The following SCAF1 variants were observed in gnomAD, a reference collection of about 807,000 sequenced individuals.
SCAF1 encodes splicing factor, arginine/serine-rich 19.
In SCAF1, 28 loss-of-function variants were observed where a neutral mutation model predicts 91.2. The observed-to-expected ratio is 0.31, with a 90% CI of 0.23 to 0.42. The LOEUF (loss-of-function observed/expected upper bound fraction) is 0.42. SCAF1 is among the 10% of genes least tolerant of loss of function. The pLI is 1.00. For missense variants in SCAF1, 1,893 were observed against 1,872.1 expected, an observed-to-expected ratio of 1.01 and a Z score of -0.21; for synonymous variants, 1,036 against 833.7, an observed-to-expected ratio of 1.24 and a Z score of -4.18.
chr19:49,652,309 CAAGAAG>C lies in SCAF1; in HGVS notation c.1930_1935del (p.Lys644_Lys645del). ...GGAAACACCGGGACGGTGGCGGCAG[CAAGAAG>C]AAGAAGAAGCGGTCGCGGTCCCGGG... On this transcript the variant is annotated inframe_deletion, in exon 7 of 11. Transcript: ENST00000360565. 6.5e-7 allele frequency: 1 copy of C among 1,531,906 alleles called. No homozygotes were observed. Among genetic ancestry groups the C allele is most frequent in the Non-Finnish European group, 8.8e-7 (1 of 1,141,866 alleles). The allele number at this position is 1,531,906 out of a possible 1,614,324, so 94.9% of individuals were successfully genotyped here.
Position 49,652,965 on chromosome 19 carries a change from T to C in SCAF1, c.2576T>C (p.Leu859Pro), listed in dbSNP as rs1434847594. The C allele has an allele frequency of 1.9e-6, 3 of 1,613,914 alleles. No individual in the cohort carries two copies. Among genetic ancestry groups the C allele is most frequent in the East Asian group, 2.2e-5 (1 of 44,878 alleles). ...GCCAAGGATGCCGCGTCAGCCGGCC[T>C]GGGCTCCATTGGCGTCAAATTCAGC... ...TPAKDAASAG[L>P]GSIGVKFSRD... The change falls in exon 7 of 11, where the codon CTG (leucine) becomes CCG (proline). Residue 859 changes from leucine (L) to proline (P), a missense_variant. Transcript: ENST00000360565.
chr19:49,651,591 A>G lies in SCAF1; in HGVS notation c.1202A>G (p.Glu401Gly). 6 of 1,539,132 alleles carry G rather than the reference A, an allele frequency of 3.9e-6. No homozygotes were observed. Among genetic ancestry groups the G allele is most frequent in the Non-Finnish European group, 5.2e-6 (6 of 1,143,382 alleles). Residue 401 changes from glutamate to glycine, a missense_variant, in exon 7 of 11, where the codon GAG becomes GGG. This residue lies in a region of SCAF1 where 1,436 missense variants were observed against 1,306.8 expected (regional missense o/e 1.10). Transcript: ENST00000360565. Reference protein sequence around the residue: ...IEEGEIVQPEEEPRLALSLFR... With the variant: ...IEEGEIVQPEGEPRLALSLFR... ...GAAGGGGAGATCGTCCAGCCGGAGG[A>G]GGAGCCCAGGCTGGCGCTGTCCCTC... is the stretch of plus-strand genomic sequence containing the variant.
At chr19:49,656,882 C>T (rs576674041) in intron 9 of SCAF1, among the ~76,000 whole-genome samples, 7 of 152,310 alleles carry the variant, frequency 4.6e-5, no homozygotes, top group Admixed American at 3.9e-4. Flanking sequence ...TGGCCAGGCA[C>T]GGTGGCTCAT....
rs2081082604 is a variant in SCAF1 at position 49,650,974 on chromosome 19, CTCCCCT to C, written c.594_599del (p.Pro201_Ser202del). On this transcript the variant is annotated inframe_deletion, in exon 7 of 11. Transcript: ENST00000360565. The stretch of plus-strand genomic sequence containing the variant: ...CCCCTGCCCCCTCCTCTGCATCCTC[CTCCCCT>C]TCCCCTTCTCCCTCATCTTCCTCCC... 1 of 1,419,078 alleles carries C rather than the reference CTCCCCT, an allele frequency of 7.0e-7. No homozygotes were observed. The highest frequency in any genetic ancestry group is 9.6e-7 in the Non-Finnish European group (1 of 1,036,568). 87.9% of individuals were successfully genotyped at this position (1,419,078 alleles called of 1,614,324 possible).
chr19:49,648,257 G>A (rs1237868903), intron 6 of SCAF1, among the ~76,000 whole-genome samples: 2 of 151,902 alleles, frequency 1.3e-5, no homozygotes, highest in African/African-American at 4.8e-5. Flanking sequence ...TTATAGGTGC[G>A]CATGCCACCA....
chr19:49,643,225 C>A (rs2081036967), intron 1 of SCAF1, among the ~76,000 whole-genome samples: 1 of 152,184 alleles, frequency 6.6e-6, no homozygotes, highest in African/African-American at 2.4e-5. Flanking sequence ...GGAGGGTCAT[C>A]TAGACCCACT....
At chr19:49,647,958 G>T (rs1339516099) in intron 6 of SCAF1, among the ~76,000 whole-genome samples, 1 of 147,368 alleles carries the variant, frequency 6.8e-6, no homozygotes, top group Non-Finnish European at 1.5e-5. Context: ...TTTGAGACAG[G>T]GTCTCACTGC....
intron 7 of SCAF1, 123 bp from the exon 8 acceptor site, chr19:49,654,226 G>A (rs771890230): frequency 3.9e-6 from 3 of 778,094 alleles, no homozygotes; most frequent in Non-Finnish European, 6.4e-6. Context: ...TTCTGAGCGT[G>A]AGGCTTTGTG....
At position 49,652,658 on chromosome 19, in the gene SCAF1, G is replaced by A. The variant is rs769551125; in HGVS notation, c.2269G>A (p.Ala757Thr). 9.6e-6 allele frequency: 15 copies of A among 1,560,646 alleles called. No homozygotes were observed. The African/African-American group carries it at 1.2e-4, about 13-fold the overall frequency. The change falls in exon 7 of 11, where the codon GCC becomes ACC. Residue 757 changes from alanine to threonine, a missense_variant. Around this residue, in one of 5 missense-constraint regions of SCAF1, gnomAD observed 1,436 missense variants for 1,306.8 expected, o/e 1.10. Coordinates refer to ENST00000360565, the MANE Select transcript of SCAF1 (RefSeq NM_021228.3). ...GAAGGATCGGCGCCGCTCGGGGGCC[G>A]CCTCCTCCTCCTCCTCTTCCCGGGA... ...SQKDRRRSGA[A>T]SSSSSSREKG...
In SCAF1 at chr19:49,653,716, C is replaced by T; in HGVS notation, c.3316+11C>T. On this transcript the variant is annotated intron_variant, in intron 7 of 10. Coordinates refer to ENST00000360565, the MANE Select transcript of SCAF1 (RefSeq NM_021228.3). The stretch of plus-strand genomic sequence containing the variant: ...GCGGCGTCCTGGCCTGTGAGTGTCC[C>T]CTGGGGGAGGGTGGTGCTGGGGCAG... 6.6e-7 allele frequency: 1 copy of T among 1,526,276 alleles called. No homozygotes were observed. Among genetic ancestry groups the T allele is most frequent in the Non-Finnish European group, 8.8e-7 (1 of 1,142,444 alleles). 94.5% of individuals were successfully genotyped at this position (1,526,276 alleles called of 1,614,324 possible). A position where few individuals can be genotyped will look rare whatever the true frequency, so the allele number is the denominator to read the frequency against.
Position 49,653,151 on chromosome 19 carries a change from C to A in SCAF1, c.2762C>A (p.Ser921Tyr), listed in dbSNP as rs1218750548. 6.2e-7 allele frequency: 1 copy of A among 1,605,616 alleles called. No individual in the cohort carries two copies. The highest frequency in any genetic ancestry group is 8.5e-7 in the Non-Finnish European group (1 of 1,176,394). ...GGGACCAAGGGAAAGACCAAGCCAT[C>A]CAAGACCAGGAAAAAGGTCCGCAGT... ...TKGTKGKTKP[S>Y]KTRKKVRSGG... The change falls in exon 7 of 11, where the codon TCC (serine) becomes TAC (tyrosine). Residue 921 changes from serine to tyrosine, a missense_variant. Coordinates refer to ENST00000360565, the MANE Select transcript of SCAF1 (RefSeq NM_021228.3).
At position 49,653,467 on chromosome 19, in the gene SCAF1, G is replaced by T; in HGVS notation, c.3078G>T (p.Glu1026Asp). ...GVRGGAEEEE[E>D]EEEEEEEEEE... is the part of the protein sequence containing the mutation. ...GAGGTGGGGCGGAGGAGGAGGAGGA[G>T]GAAGAAGAAGAGGAGGAGGAAGAGG... Residue 1026 changes from glutamate to aspartate, a missense_variant, in exon 7 of 11, where the codon GAG (glutamate) becomes GAT (aspartate). Transcript: ENST00000360565. The T allele has an allele frequency of 6.5e-7, 1 of 1,546,794 alleles. No individual in the cohort carries two copies. The highest frequency in any genetic ancestry group is 1.2e-5 in the South Asian group (1 of 80,950).
At chr19:49,641,426 C>T (rs2081025563), upstream of SCAF1, among the ~76,000 whole-genome samples, 1 of 152,214 alleles carries the variant, frequency 6.6e-6, no homozygotes, top group Admixed American at 6.5e-5. Flanking sequence ...AAGCGATTCT[C>T]CTACCTCAGC....
In SCAF1 at chr19:49,653,352, T is replaced by G. The variant is rs759716363; in HGVS notation, c.2963T>G (p.Leu988Arg). Residue 988 changes from leucine to arginine, a missense_variant, in exon 7 of 11, where the codon CTC becomes CGC. By Grantham distance (102) the Leu-to-Arg change is moderately radical. This residue lies in a region of SCAF1 where 1,436 missense variants were observed against 1,306.8 expected (regional missense o/e 1.10). Coordinates refer to ENST00000360565, the MANE Select transcript of SCAF1 (RefSeq NM_021228.3). ...PPKAAPPPPA[L>R]TPDSQTVDSS... is the part of the protein sequence containing the mutation. ...AAGGCAGCCCCACCACCCCCTGCCC[T>G]CACTCCGGACTCGCAGACCGTGGAC... The G allele has an allele frequency of 4.7e-6, 7 of 1,478,218 alleles. No homozygotes were observed. Among genetic ancestry groups the G allele is most frequent in the Non-Finnish European group, 6.3e-6 (7 of 1,111,384 alleles). 91.6% of individuals were successfully genotyped at this position (1,478,218 alleles called of 1,614,324 possible).
rs765157456 is a variant in SCAF1, at chr19:49,653,696, G to C, written c.3307G>C (p.Val1103Leu). The change falls in exon 7 of 11, where the codon GTC (valine) becomes CTC (leucine). Residue 1103 changes from valine to leucine, a missense_variant. Val to Leu is a conservative substitution (Grantham distance 32). Around this residue, in one of 5 missense-constraint regions of SCAF1, gnomAD observed 1,436 missense variants for 1,306.8 expected, o/e 1.10. Transcript: ENST00000360565. ...PAGVDCTTSG[V>L]LALTALLFKM... ...TGGTGTGGACTGCACCACCAGCGGC[G>C]TCCTGGCCTGTGAGTGTCCCCTGGG... 4 of 1,562,796 alleles carry C rather than the reference G, an allele frequency of 2.6e-6. No homozygotes were observed. The highest frequency in any genetic ancestry group is 3.4e-6 in the Non-Finnish European group (4 of 1,160,126).
chr19:49,640,987 C>G (rs2122434627), upstream of SCAF1, among the ~76,000 whole-genome samples: 1 of 152,154 alleles, frequency 6.6e-6, no homozygotes, highest in East Asian at 1.9e-4. Flanking sequence ...GGAAGGTAGA[C>G]AGGTTCCTTC....
chr19:49,640,879 AAGG>A (rs2081022799), upstream of SCAF1, among the ~76,000 whole-genome samples: 1 of 152,160 alleles, frequency 6.6e-6, no homozygotes, highest in African/African-American at 2.4e-5. Flanking sequence ...CTGGGTCTTG[AAGG>A]AGAAGGAAGC....
In SCAF1 at chr19:49,645,335, T is replaced by A; in HGVS notation, c.109-19T>A. On this transcript the variant is annotated intron_variant, in intron 2 of 10. Transcript: ENST00000360565. The surrounding 1 kb of genome is among the most constrained non-coding windows in gnomAD (Gnocchi z 4.6). The stretch of plus-strand genomic sequence containing the variant: ...TCTGCCTGGGTCCTCTGACGCTTGG[T>A]TCTTCCCCCCTTCCCCAGCGAGCCA... 1 of 1,613,696 alleles carries A rather than the reference T, an allele frequency of 6.2e-7. No individual in the cohort carries two copies. Among genetic ancestry groups the A allele is most frequent in the Non-Finnish European group, 8.5e-7 (1 of 1,179,772 alleles).
In SCAF1 at chr19:49,643,196, C is replaced by T. The variant is rs60758083; in HGVS notation, c.-7+954C>T. Among the ~76,000 whole-genome samples, 292 of 152,266 alleles carry T rather than the reference C, an allele frequency of 1.9e-3. 1 individual carries two copies. The highest frequency in any genetic ancestry group is 6.9e-3 in the African/African-American group (285 of 41,532). On this transcript the variant is annotated intron_variant, in intron 1 of 10. Coordinates refer to ENST00000360565, the MANE Select transcript of SCAF1 (RefSeq NM_021228.3). ...TATTGAGAGAGTTAGAATTAATCTA[C>T]ATTAGTCTGGAAGAGTCTGGAGGGT...
Sources: gnomAD v4.1 joint callset for allele counts (sites outside exome capture counted in the v4.1 genomes callset) on GRCh38, gnomAD v4.1.1 for gene constraint, gnomAD v4.1.1 regional missense constraint, Gnocchi (gnomAD v3.1) non-coding constraint, MANE v1.5 for transcripts, NCBI Gene and HGNC (gene_info 2026-07-23, HGNC 2026-07-21) for gene names.